The following FGF7 variants were observed in gnomAD, a reference collection of about 807,000 sequenced individuals.
FGF7 encodes fibroblast growth factor 7.
Under a neutral mutation model 20.5 loss-of-function variants are expected in FGF7, and 6 were observed. That is an observed-to-expected ratio of 0.29 (90% CI 0.16 to 0.58). The LOEUF is 0.58. FGF7 is among the 20% of genes least tolerant of loss of function. FGF7 has a pLI of 0.90. For missense variants in FGF7, 144 were observed against 228.8 expected (o/e 0.63, Z 2.39); for synonymous variants, 64 against 74.7 (o/e 0.86, Z 0.74).
At chr15:49,432,185 ATGTAAC>A (rs2050679431) in intron 2 of FGF7, among the ~76,000 whole-genome samples, 1 of 151,648 alleles carries the variant, frequency 6.6e-6, no homozygotes, top group African/African-American at 2.4e-5. Context: ...TGAACTTTAG[ATGTAAC>A]TGTAAGTAAT....
intron 2 of FGF7, among the ~76,000 whole-genome samples, chr15:49,459,047 A>T (rs754182624): frequency 6.6e-6 from 1 of 152,212 alleles, no homozygotes; most frequent in Non-Finnish European, 1.5e-5. Context: ...TATAACTAAT[A>T]CTCAACTAAT....
rs1197554882 is a variant in FGF7, at chr15:49,487,286, T to C, written c.*2782T>C. On this transcript the variant is annotated 3_prime_UTR_variant, in exon 4 of 4. Coordinates refer to ENST00000267843, the MANE Select transcript of FGF7 (RefSeq NM_002009.4). ...AGAGTAAGCCTTTTAAAAATGTTCT[T>C]TGAAAGATAAAATTAAATACATGAG... 6.6e-6 allele frequency: 1 copy of C among 151,674 alleles called. No homozygotes were observed. Among genetic ancestry groups the C allele is most frequent in the Non-Finnish European group, 1.5e-5 (1 of 67,818 alleles). The allele number at this position is 151,674 out of a possible 1,614,324, so 9.4% of individuals were successfully genotyped here.
chr15:49,432,526 T>C (rs2050708494), intron 2 of FGF7, among the ~76,000 whole-genome samples: 1 of 151,806 alleles, frequency 6.6e-6, no homozygotes, highest in African/African-American at 2.4e-5. Flanking sequence ...TCTTAGTCCC[T>C]GGTTTGGGTG....
At chr15:49,468,085 T>C (rs571570098) in intron 2 of FGF7, among the ~76,000 whole-genome samples, 1 of 152,316 alleles carries the variant, frequency 6.6e-6, no homozygotes, top group South Asian at 2.1e-4. Context: ...CACATGCTGA[T>C]GTACTTTCTA....
intron 2 of FGF7, among the ~76,000 whole-genome samples, chr15:49,474,703 G>A (rs1413051224): frequency 6.6e-6 from 1 of 152,178 alleles, no homozygotes; most frequent in Admixed American, 6.5e-5. Context: ...CAGAGCAGGA[G>A]ATGAGCTGCG....
chr15:49,429,304 G>A (rs1051061486), intron 2 of FGF7, among the ~76,000 whole-genome samples: 1 of 151,892 alleles, frequency 6.6e-6, no homozygotes, highest in Non-Finnish European at 1.5e-5. Context: ...TATGAAGAAT[G>A]GATAAACTGC....
chr15:49,460,233 A>T (rs2053670614), intron 2 of FGF7, among the ~76,000 whole-genome samples: 1 of 152,014 alleles, frequency 6.6e-6, no homozygotes, highest in South Asian at 2.1e-4. Context: ...AGTCCAAAAA[A>T]CTCAGTGCCC....
rs139448083 is a variant in FGF7 at position 49,474,286 on chromosome 15, C to T, written c.287-8865C>T. ...GAATTCATACCGTATGAGAAAGGGC[C>T]AAAGAAACTAAGGATAATGGGAAGC... On this transcript the variant is annotated intron_variant, in intron 2 of 3. Transcript: ENST00000267843. 4.9e-3 allele frequency among the ~76,000 whole-genome samples: 738 copies of T among 152,130 alleles called. 9 individuals are homozygous for T. The highest frequency in any genetic ancestry group is 0.017 in the African/African-American group (701 of 41,498).
intron 2 of FGF7, among the ~76,000 whole-genome samples, chr15:49,469,703 G>A (rs1230870026): frequency 6.6e-6 from 1 of 152,118 alleles, no homozygotes; most frequent in Non-Finnish European, 1.5e-5. Context: ...CTAATTAGCA[G>A]TTGTCAGAGA....
At chr15:49,460,214 T>TA (rs775204588) in intron 2 of FGF7, among the ~76,000 whole-genome samples, 29 of 151,182 alleles carry the variant, frequency 1.9e-4, no homozygotes, top group East Asian at 9.7e-4. Context: ...TCTGAAGCCT[T>TA]AAAAAAAAAG....
rs963165711 is a variant in FGF7 at position 49,424,026 on chromosome 15, A to G, written c.-266-6A>G. 8.9e-6 allele frequency: 3 copies of G among 335,254 alleles called. No individual in the cohort carries two copies. The highest frequency in any genetic ancestry group is 4.2e-5 in the African/African-American group (2 of 47,758). 20.8% of individuals were successfully genotyped at this position (335,254 alleles called of 1,614,324 possible). A position where few individuals can be genotyped will look rare whatever the true frequency, so the allele number is the denominator to read the frequency against. On this transcript the variant is annotated splice_polypyrimidine_tract_variant and splice_region_variant and intron_variant, in intron 1 of 3. Coordinates refer to ENST00000267843, the MANE Select transcript of FGF7 (RefSeq NM_002009.4). ...CTCCCTATTCTTAATCTCTCATTGC[A>G]AACAGAAGTCAAATAGCAAACAGCG... is the stretch of plus-strand genomic sequence containing the variant.
intron 2 of FGF7, among the ~76,000 whole-genome samples, chr15:49,433,078 TA>T (rs2050760305): frequency 1.3e-5 from 2 of 151,344 alleles, no homozygotes; most frequent in African/African-American, 2.4e-5. Context: ...ATTTACTGGC[TA>T]AAAATTATTT....
Position 49,485,715 on chromosome 15 carries a change from T to C in FGF7, c.*1211T>C, listed in dbSNP as rs1460373540. 2 of 152,524 alleles carry C rather than the reference T, an allele frequency of 1.3e-5. No individual in the cohort carries two copies. Among genetic ancestry groups the C allele is most frequent in the Non-Finnish European group, 2.9e-5 (2 of 67,988 alleles). 9.4% of individuals were successfully genotyped at this position (152,524 alleles called of 1,614,324 possible). A position where few individuals can be genotyped will look rare whatever the true frequency, so the allele number is the denominator to read the frequency against. The stretch of plus-strand genomic sequence containing the variant: ...GTAAAAAATCTTTCACCACATATTC[T>C]TGCCAATTAATTGGATCATATAAGT... On this transcript the variant is annotated 3_prime_UTR_variant, in exon 4 of 4. Transcript: ENST00000267843.
intron 2 of FGF7, among the ~76,000 whole-genome samples, chr15:49,435,058 C>T (rs975063924): frequency 7.3e-5 from 11 of 151,204 alleles, no homozygotes; most frequent in African/African-American, 2.2e-4. Flanking sequence ...ATGTTCATTT[C>T]GAACACATAC....
rs374175758 is a variant in FGF7, at chr15:49,465,363, T to G, written c.287-17788T>G. 1.5e-4 allele frequency among the ~76,000 whole-genome samples: 22 copies of G among 151,632 alleles called. No homozygotes were observed. The East Asian group carries it at 4.3e-3, about 29-fold the overall frequency. Reference sequence around the variant, plus strand: ...ATGTTGGCCAGGCTGCTCGAACTCCTGAGCTCAAGTGATCTGCCCACCTCG... The same window carrying G: ...ATGTTGGCCAGGCTGCTCGAACTCCGGAGCTCAAGTGATCTGCCCACCTCG... On this transcript the variant is annotated intron_variant, in intron 2 of 3. Coordinates refer to ENST00000267843, the MANE Select transcript of FGF7 (RefSeq NM_002009.4).
intron 2 of FGF7, among the ~76,000 whole-genome samples, chr15:49,433,236 T>G (rs977468849): frequency 1.3e-5 from 2 of 151,698 alleles, no homozygotes; most frequent in Admixed American, 6.6e-5. Flanking sequence ...TTTCTACCTG[T>G]GTACAGCACA....
At chr15:49,438,039 T>C (rs1326689684) in intron 2 of FGF7, among the ~76,000 whole-genome samples, 2 of 151,418 alleles carry the variant, frequency 1.3e-5, no homozygotes, top group Admixed American at 6.6e-5. Context: ...TCCTGGAAAA[T>C]AGTACATGAA....
rs1457790502 is a variant in FGF7, at chr15:49,486,334, T to C, written c.*1830T>C. ...TCAGATATACTCTTGGGAGAGAGCA[T>C]GAATGGTATTCTGAACTATCACCTG... is the stretch of plus-strand genomic sequence containing the variant. On this transcript the variant is annotated 3_prime_UTR_variant, in exon 4 of 4. Transcript: ENST00000267843. 3.3e-5 allele frequency: 5 copies of C among 151,948 alleles called. No individual in the cohort carries two copies. 9.4% of individuals were successfully genotyped at this position (151,948 alleles called of 1,614,324 possible). A position where few individuals can be genotyped will look rare whatever the true frequency, so the allele number is the denominator to read the frequency against.
intron 2 of FGF7, among the ~76,000 whole-genome samples, chr15:49,465,707 A>G (rs570626699): frequency 1.8e-4 from 28 of 152,182 alleles, no homozygotes; most frequent in Non-Finnish European, 3.7e-4. Flanking sequence ...TTAACCAAGG[A>G]ATTTTGTGCT....
Sources: gnomAD v4.1 joint callset for allele counts (sites outside exome capture counted in the v4.1 genomes callset) on GRCh38, gnomAD v4.1.1 for gene constraint, MANE v1.5 for transcripts, NCBI Gene and HGNC (gene_info 2026-07-23, HGNC 2026-07-21) for gene names.